ACYP2: variants seen among roughly 807,000 people sequenced by gnomAD.
ACYP2 encodes the protein acylphosphatase-2.
In ACYP2, 12 loss-of-function variants were observed where a neutral mutation model predicts 11.2. The ratio of observed to expected loss-of-function variants is 1.08; its 90% CI spans 0.69 to 1.74. The LOEUF (loss-of-function observed/expected upper bound fraction) is 1.74. Ranked by LOEUF, ACYP2 falls within the 40% of genes most tolerant of loss-of-function variation. The pLI, the probability that ACYP2 is intolerant of heterozygous loss-of-function variation, is 0.00. For synonymous variants in ACYP2, 43 were observed against 32.2 expected (o/e 1.33, Z -1.13); for missense variants, 134 against 101.9 (o/e 1.31, Z -1.35).
At chr2:54,110,699 A>G (rs1294304508) in intron 4 of ACYP2, among the ~76,000 whole-genome samples, 1 of 152,014 alleles carries the variant, frequency 6.6e-6, no homozygotes, top group Admixed American at 6.6e-5. Flanking sequence ...CTTTGGGGAA[A>G]TGCAGTAGGG....
chr2:54,154,839 A>G lies in ACYP2; in HGVS notation c.404+16091A>G, dbSNP rs111752427. ...TCTTCGATTTTTTGGAAGAGTTCAAAAAGGATTGATATTAGTTTAAATGTT... is the reference window on the plus strand; with the variant it reads ...TCTTCGATTTTTTGGAAGAGTTCAAGAAGGATTGATATTAGTTTAAATGTT... On this transcript the variant is annotated intron_variant, in intron 6 of 6. Coordinates refer to ENST00000607452, the MANE Select transcript of ACYP2 (RefSeq NM_001320586.2). 6.8e-3 allele frequency among the ~76,000 whole-genome samples: 1,035 copies of G among 152,294 alleles called. 21 individuals carry two copies. Among genetic ancestry groups the G allele is most frequent in the African/African-American group, 0.024 (991 of 41,554 alleles).
chr2:53,987,941 G>A (rs1168910659), intron 2 of ACYP2, among the ~76,000 whole-genome samples: 2 of 151,922 alleles, frequency 1.3e-5, no homozygotes, highest in African/African-American at 2.4e-5. Flanking sequence ...TCAGATATGT[G>A]GTTTGCAAAT....
intron 6 of ACYP2, among the ~76,000 whole-genome samples, chr2:54,155,204 C>T (rs896807987): frequency 1.2e-4 from 18 of 151,894 alleles, no homozygotes; most frequent in African/African-American, 4.4e-4. Flanking sequence ...GTTAACCTAA[C>T]TGTAGGTTTG....
At chr2:54,158,021 TTTA>T (rs202150500) in intron 6 of ACYP2, among the ~76,000 whole-genome samples, 1 of 151,758 alleles carries the variant, frequency 6.6e-6, no homozygotes, top group African/African-American at 2.4e-5. Context: ...CTTTCTTTCT[TTTA>T]TTATTATTAT....
At chr2:54,102,944 G>T (rs1411306842) in intron 4 of ACYP2, among the ~76,000 whole-genome samples, 1 of 152,172 alleles carries the variant, frequency 6.6e-6, no homozygotes, top group Admixed American at 6.5e-5. Context: ...GGAAGACTTT[G>T]GTTGGCCTGG....
intron 6 of ACYP2, among the ~76,000 whole-genome samples, chr2:54,297,779 A>C (rs1032949141): frequency 2.0e-5 from 3 of 152,186 alleles, no homozygotes; most frequent in Non-Finnish European, 4.4e-5. Context: ...TAAATTTATC[A>C]AGAAATATAC....
intron 6 of ACYP2, among the ~76,000 whole-genome samples, chr2:54,145,431 C>A (rs754355120): frequency 2.0e-5 from 3 of 152,054 alleles, no homozygotes; most frequent in Admixed American, 2.0e-4. Flanking sequence ...GTTCAGTGTG[C>A]GAAAGATTAT....
intron 6 of ACYP2, among the ~76,000 whole-genome samples, chr2:54,208,214 T>C (rs1685162357): frequency 6.6e-6 from 1 of 152,048 alleles, no homozygotes; most frequent in Non-Finnish European, 1.5e-5. Context: ...AAACTTTTTA[T>C]TTCCCCCCTA....
intron 2 of ACYP2, among the ~76,000 whole-genome samples, chr2:53,974,450 A>G (rs751408302): frequency 2.0e-4 from 30 of 152,284 alleles, no homozygotes; most frequent in Admixed American, 9.2e-4. Context: ...ATTTTTTCCT[A>G]TGAAACAAGA....
chr2:54,191,311 C>T (rs1236041384), intron 6 of ACYP2, among the ~76,000 whole-genome samples: 1 of 152,214 alleles, frequency 6.6e-6, no homozygotes, highest in Non-Finnish European at 1.5e-5. Context: ...TATGCCCATC[C>T]ACCTTGCTCC....
intron 6 of ACYP2, among the ~76,000 whole-genome samples, chr2:54,279,617 TC>T (rs974885359): frequency 6.0e-5 from 9 of 150,570 alleles, no homozygotes; most frequent in African/African-American, 2.2e-4. Flanking sequence ...GCAGTCTCTA[TC>T]TGAAAGAGAG....
At chr2:53,977,214 A>G (rs769986947) in intron 2 of ACYP2, among the ~76,000 whole-genome samples, 20 of 151,854 alleles carry the variant, frequency 1.3e-4, no homozygotes, top group Non-Finnish European at 2.6e-4. Context: ...CGCCCAGCTA[A>G]TTTTTTATAT....
At chr2:54,005,541 G>A (rs1253366889) in intron 2 of ACYP2, among the ~76,000 whole-genome samples, 2 of 152,204 alleles carry the variant, frequency 1.3e-5, no homozygotes, top group East Asian at 1.9e-4. Context: ...GTTTTGCCAT[G>A]TTGGCCAGGC....
chr2:54,303,801 T>G (rs1688095025), intron 6 of ACYP2, among the ~76,000 whole-genome samples: 1 of 152,238 alleles, frequency 6.6e-6, no homozygotes, highest in Non-Finnish European at 1.5e-5. Context: ...CATAGGATGT[T>G]TCTACAACAG....
chr2:54,221,265 G>GTTA (rs1359909154), intron 6 of ACYP2, among the ~76,000 whole-genome samples: 1 of 152,120 alleles, frequency 6.6e-6, no homozygotes, highest in Non-Finnish European at 1.5e-5. Flanking sequence ...ATAAATGTTT[G>GTTA]TTATTGTAAG....
intron 6 of ACYP2, among the ~76,000 whole-genome samples, chr2:54,251,982 C>T (rs760757605): frequency 5.3e-5 from 8 of 152,328 alleles, no homozygotes; most frequent in Non-Finnish European, 1.2e-4. Context: ...AGTGCAAACA[C>T]TGACACTCTG....
At chr2:54,059,206 CTTTCTT>C (rs933911780) in intron 4 of ACYP2, among the ~76,000 whole-genome samples, 1 of 151,694 alleles carries the variant, frequency 6.6e-6, no homozygotes, top group Admixed American at 6.6e-5. Flanking sequence ...TTCTTTCTTT[CTTTCTT>C]TTTCTTTTTC....
chr2:54,075,921 G>C (rs919352752), intron 4 of ACYP2, among the ~76,000 whole-genome samples: 4 of 152,012 alleles, frequency 2.6e-5, no homozygotes, highest in Admixed American at 2.0e-4. Flanking sequence ...CACTCATATT[G>C]ATATTTCTCT....
chr2:54,210,403 T>A (rs1324443294), intron 6 of ACYP2, among the ~76,000 whole-genome samples: 1 of 144,470 alleles, frequency 6.9e-6, no homozygotes, highest in Non-Finnish European at 1.6e-5. Flanking sequence ...TGCTTATAAC[T>A]CTATACAAAT....
Sources: allele counts gnomAD v4.1 joint callset (sites outside exome capture counted in the v4.1 genomes callset), GRCh38; gene constraint gnomAD v4.1.1; transcripts MANE v1.5; gene names NCBI Gene and HGNC (gene_info 2026-07-23, HGNC 2026-07-21).